ST6GALNAC2: variants seen among roughly 807,000 people sequenced by gnomAD.
ST6GALNAC2 encodes the protein alpha-N-acetylgalactosaminide alpha-2,6-sialyltransferase 2.
Under a neutral mutation model 38.7 loss-of-function variants are expected in ST6GALNAC2, and 42 were observed. The observed-to-expected ratio is 1.09, with a 90% CI of 0.85 to 1.40. The LOEUF is 1.40. Ranked by LOEUF, ST6GALNAC2 falls within the 40% of genes most tolerant of loss-of-function variation. The pLI is 0.00. For synonymous variants in ST6GALNAC2, 233 were observed against 209.0 expected, an observed-to-expected ratio of 1.11 and a Z score of -0.99; for missense variants, 506 against 481.7, an observed-to-expected ratio of 1.05 and a Z score of -0.47.
rs376137085 is a variant in ST6GALNAC2, at chr17:76,566,466, A to G, written c.958-195T>C. 1.1e-4 allele frequency among the ~76,000 whole-genome samples: 17 copies of G among 152,182 alleles called. 1 individual carries two copies. In the South Asian group the frequency reaches 3.5e-3, roughly 32 times the overall value. On this transcript the variant is annotated intron_variant, in intron 8 of 8. Transcript: ENST00000225276. Reference sequence around the variant, plus strand: ...GTGTCCCCACTTGGCATAGCTGGTGATTGCCAGAGCTGGATTTGGAACTCA... The same window carrying G: ...GTGTCCCCACTTGGCATAGCTGGTGGTTGCCAGAGCTGGATTTGGAACTCA...
Position 76,566,081 on chromosome 17 carries a change from G to T in ST6GALNAC2, c.*23C>A. On this transcript the variant is annotated 3_prime_UTR_variant, in exon 9 of 9. Transcript: ENST00000225276. ...GATCAGGGCCGCAACTCTTGAAGAA[G>T]CAAAGGGCTCAGTGCATTGGGGTCA... is the stretch of plus-strand genomic sequence containing the variant. The T allele has an allele frequency of 6.3e-7, 1 of 1,598,174 alleles. No homozygotes were observed. The highest frequency in any genetic ancestry group is 8.5e-7 in the Non-Finnish European group (1 of 1,172,174).
rs2075383087 is a variant in ST6GALNAC2 at position 76,573,883 on chromosome 17, GC to G, written c.361+481del. On this transcript the variant is annotated intron_variant, in intron 3 of 8. Transcript: ENST00000225276. This position sits in a 1 kb window ranked among gnomAD's most constrained non-coding sequence, Gnocchi z 5.1. ...GGAGGTTGTAGTGAGCTGAGATTGT[GC>G]CATTGCACTCCAGCCTGAGTGACAG... 6.6e-6 allele frequency among the ~76,000 whole-genome samples: 1 copy of G among 152,180 alleles called. No individual in the cohort carries two copies. Among genetic ancestry groups the G allele is most frequent in the Non-Finnish European group, 1.5e-5 (1 of 68,024 alleles).
intron 2 of ST6GALNAC2, among the ~76,000 whole-genome samples, 186 bp downstream of exon 2, chr17:76,578,570 G>A (rs1054244275): frequency 2.6e-5 from 4 of 152,088 alleles, no homozygotes; most frequent in Non-Finnish European, 4.4e-5. Flanking sequence ...CTGCTGTTGG[G>A]CCACAAGAAA....
At chr17:76,582,068 T>A (rs1348973035) in intron 1 of ST6GALNAC2, among the ~76,000 whole-genome samples, 1 of 151,664 alleles carries the variant, frequency 6.6e-6, no homozygotes, top group Non-Finnish European at 1.5e-5. Context: ...AGTTTCACCA[T>A]GTTGGCCACG....
chr17:76,579,474 C>G (rs1351630072), intron 1 of ST6GALNAC2, among the ~76,000 whole-genome samples: 3 of 152,240 alleles, frequency 2.0e-5, no homozygotes, highest in Non-Finnish European at 4.4e-5. Flanking sequence ...TCTGAGATGA[C>G]TGGGCCTTCC....
rs1367209370 is a variant in ST6GALNAC2 at position 76,578,813 on chromosome 17, G to A, written c.129C>T (p.Asp43=). ...RYPGPAAGAR[D]TTSFEAFFQS... is the part of the protein sequence containing the mutation. ...GAAAGAATGCTTCAAATGATGTGGT[G>A]TCCCTGGGGGAAAAAGCAGAAAAAA... The change falls in exon 2 of 9, where the codon GAC becomes GAT. Residue 43 remains aspartate (D), a synonymous_variant. Coordinates refer to ENST00000225276, the MANE Select transcript of ST6GALNAC2 (RefSeq NM_006456.3). 1.9e-6 allele frequency: 3 copies of A among 1,613,272 alleles called. No individual in the cohort carries two copies. The highest frequency in any genetic ancestry group is 3.3e-5 in the Admixed American group (2 of 59,852).
Position 76,573,518 on chromosome 17 carries a change from G to C in ST6GALNAC2, c.362-155C>G, listed in dbSNP as rs543013596. Among the ~76,000 whole-genome samples the C allele has an allele frequency of 2.6e-5, 4 of 152,288 alleles. No individual in the cohort carries two copies. The South Asian group carries it at 6.2e-4, about 24-fold the overall frequency. On this transcript the variant is annotated intron_variant, in intron 3 of 8. Coordinates refer to ENST00000225276, the MANE Select transcript of ST6GALNAC2 (RefSeq NM_006456.3). This position sits in a 1 kb window ranked among gnomAD's most constrained non-coding sequence, Gnocchi z 5.1. Reference sequence around the variant, plus strand: ...GGTGGGAGGGGAAGGAGATGTCTGTGGGGGGAGAATTGAAAAGCTGACAGT... The same window carrying C: ...GGTGGGAGGGGAAGGAGATGTCTGTCGGGGGAGAATTGAAAAGCTGACAGT...
At chr17:76,583,249 A>G (rs12942750) in intron 1 of ST6GALNAC2, among the ~76,000 whole-genome samples, 113,904 of 151,346 alleles carry the variant, frequency 0.75, 43,175 homozygotes, top group East Asian at 0.84. Flanking sequence ...GGTGGCGGGC[A>G]CCTGTAGACC....
At chr17:76,581,448 C>T (rs2075474234) in intron 1 of ST6GALNAC2, among the ~76,000 whole-genome samples, 1 of 150,058 alleles carries the variant, frequency 6.7e-6, no homozygotes. Context: ...TCCCTACCCT[C>T]CCACCCCAAC....
Position 76,573,124 on chromosome 17 carries a change from C to T in ST6GALNAC2, c.530+71G>A. The T allele has an allele frequency of 6.7e-7, 1 of 1,486,708 alleles. No individual in the cohort carries two copies. The highest frequency in any genetic ancestry group is 1.4e-5 in the African/African-American group (1 of 73,178). 92.1% of individuals were successfully genotyped at this position (1,486,708 alleles called of 1,614,324 possible). On this transcript the variant is annotated intron_variant, in intron 4 of 8. Coordinates refer to ENST00000225276, the MANE Select transcript of ST6GALNAC2 (RefSeq NM_006456.3). The surrounding 1 kb of genome is among the most constrained non-coding windows in gnomAD (Gnocchi z 5.1). Reference sequence around the variant, plus strand: ...GGCCACTGCTGCCATAGCCCACTGCCCCTGGGGGAGACACCCCCACCCTCC... The same window carrying T: ...GGCCACTGCTGCCATAGCCCACTGCTCCTGGGGGAGACACCCCCACCCTCC...
At chr17:76,572,985 C>T (rs985067829) in intron 4 of ST6GALNAC2, among the ~76,000 whole-genome samples, 5 of 152,190 alleles carry the variant, frequency 3.3e-5, no homozygotes, top group African/African-American at 1.2e-4. Flanking sequence ...CTGGCCCTGG[C>T]GGCTGCTTCC....
At position 76,565,573 on chromosome 17, in the gene ST6GALNAC2, C is replaced by CA. The variant is rs71158023; in HGVS notation, c.*530dup. The CA allele has an allele frequency of 1.5e-3, 218 of 143,390 alleles. 1 individual carries two copies. Among genetic ancestry groups the CA allele is most frequent in the East Asian group, 4.9e-3 (24 of 4,868 alleles). The allele number at this position is 143,390 out of a possible 1,614,324, so 8.9% of individuals were successfully genotyped here. A position where few individuals can be genotyped will look rare whatever the true frequency, so the allele number is the denominator to read the frequency against. Reference sequence around the variant, plus strand: ...GTTTTATATGATTTCTCTACCCAGCCAAAAAAAAAAAAATGGTCCATCATG... The same window carrying CA: ...GTTTTATATGATTTCTCTACCCAGCCAAAAAAAAAAAAAATGGTCCATCATG... On this transcript the variant is annotated 3_prime_UTR_variant, in exon 9 of 9. Coordinates refer to ENST00000225276, the MANE Select transcript of ST6GALNAC2 (RefSeq NM_006456.3).
At chr17:76,577,212 G>A (rs1449713128) in intron 2 of ST6GALNAC2, among the ~76,000 whole-genome samples, 4 of 151,192 alleles carry the variant, frequency 2.6e-5, no homozygotes, top group Non-Finnish European at 3.0e-5. Flanking sequence ...GATTACAGGC[G>A]CCTGCCACCA....
In ST6GALNAC2 at chr17:76,570,549, C is replaced by T. The variant is rs201890191; in HGVS notation, c.773+16G>A. 1.5e-4 allele frequency: 243 copies of T among 1,582,320 alleles called. No individual in the cohort carries two copies. Among genetic ancestry groups the T allele is most frequent in the African/African-American group, 7.8e-4 (58 of 74,506 alleles). ...CCCTCTGCCACGCCCCACACCACCA[C>T]GGCCTGGCTGCTCACCTGTCCCCTT... On this transcript the variant is annotated intron_variant, in intron 6 of 8. Transcript: ENST00000225276.
Position 76,578,776 on chromosome 17 carries a change from A to C in ST6GALNAC2, c.166T>G (p.Ser56Ala), listed in dbSNP as rs1370685202. The C allele has an allele frequency of 6.2e-7, 1 of 1,613,314 alleles. No individual in the cohort carries two copies. The highest frequency in any genetic ancestry group is 1.3e-5 in the African/African-American group (1 of 74,868). The change falls in exon 2 of 9, where the codon TCG becomes GCG. Residue 56 changes from serine to alanine, a missense_variant. Ser to Ala is a moderately conservative substitution (Grantham distance 99, BLOSUM62 1). Coordinates refer to ENST00000225276, the MANE Select transcript of ST6GALNAC2 (RefSeq NM_006456.3). ...TCTACCTTTCCTGTCCAAGAATTCG[A>C]TGCCTTGGATTGAAAGAATGCTTCA... ...SFEAFFQSKA[S>A]NSWTGKGQAC...
chr17:76,565,867 C>T lies in ST6GALNAC2; in HGVS notation c.*237G>A, dbSNP rs1182353241. ...TCAGTGCCAATCCAGCAAAGCAGTC[C>T]ATTTTCCCTTGGCCAAGATTGAGAT... On this transcript the variant is annotated 3_prime_UTR_variant, in exon 9 of 9. Transcript: ENST00000225276. The T allele has an allele frequency of 1.3e-5, 6 of 459,370 alleles. No individual in the cohort carries two copies. The highest frequency in any genetic ancestry group is 2.0e-5 in the African/African-American group (1 of 50,132). The allele number at this position is 459,370 out of a possible 1,614,324, so 28.5% of individuals were successfully genotyped here. A position where few individuals can be genotyped will look rare whatever the true frequency, so the allele number is the denominator to read the frequency against.
chr17:76,581,584 A>T (rs1043519776), intron 1 of ST6GALNAC2, among the ~76,000 whole-genome samples: 1 of 152,116 alleles, frequency 6.6e-6, no homozygotes, highest in Non-Finnish European at 1.5e-5. Flanking sequence ...CCCCAAGTTC[A>T]GTTTTGCTGC....
At chr17:76,573,000 G>A (rs1359366891) in intron 4 of ST6GALNAC2, among the ~76,000 whole-genome samples, 195 bp downstream of exon 4, 1 of 152,134 alleles carries the variant, frequency 6.6e-6, no homozygotes, top group Non-Finnish European at 1.5e-5. Flanking sequence ...GCTTCCTCCT[G>A]GGTCCCCTGC....
chr17:76,566,280 G>T lies in ST6GALNAC2; in HGVS notation c.958-9C>A, dbSNP rs757563637. 1.2e-6 allele frequency: 2 copies of T among 1,613,906 alleles called. No individual in the cohort carries two copies. The highest frequency in any genetic ancestry group is 1.7e-6 in the Non-Finnish European group (2 of 1,179,854). On this transcript the variant is annotated splice_polypyrimidine_tract_variant and intron_variant, in intron 8 of 8. Coordinates refer to ENST00000225276, the MANE Select transcript of ST6GALNAC2 (RefSeq NM_006456.3). ...AATCCATAGGCACTGACCTGGGCAA[G>T]GATAGTCGCTGGATTAGTATTTGTT...
Sources: gnomAD v4.1 joint callset for allele counts (sites outside exome capture counted in the v4.1 genomes callset) on GRCh38, gnomAD v4.1.1 for gene constraint, Gnocchi (gnomAD v3.1) non-coding constraint, MANE v1.5 for transcripts, NCBI Gene and HGNC (gene_info 2026-07-23, HGNC 2026-07-21) for gene names.